The following SOX5 variants were observed in gnomAD, a reference collection of about 807,000 sequenced individuals.
SOX5 encodes transcription factor SOX-5.
SOX5 carries 9 observed loss-of-function variants against 92.0 expected under a neutral mutation model. That is an observed-to-expected ratio of 0.10 (90% CI 0.06 to 0.17). The LOEUF is 0.17. Among genes scored for constraint, SOX5 ranks in the 10% least tolerant of loss-of-function variants. The pLI is 1.00. For missense variants in SOX5, 642 were observed against 944.5 expected, an observed-to-expected ratio of 0.68 and a Z score of 4.20; for synonymous variants, 344 against 336.3, an observed-to-expected ratio of 1.02 and a Z score of -0.25.
At chr12:23,968,853 C>T (rs527389612) in intron 4 of SOX5, among the ~76,000 whole-genome samples, 10 of 152,272 alleles carry the variant, frequency 6.6e-5, no homozygotes, top group South Asian at 6.2e-4. Context: ...TTTGAATCTT[C>T]GAGATGCTTG....
upstream of SOX5, among the ~76,000 whole-genome samples, chr12:23,952,797 T>C (rs1341035907): frequency 6.6e-6 from 1 of 152,026 alleles, no homozygotes; most frequent in Non-Finnish European, 1.5e-5. Flanking sequence ...TAGAAAGGGG[T>C]AGGTATGTAT....
rs58110498 is a variant in SOX5 at position 24,375,606 on chromosome 12, G to A, written c.-250-6967C>T. On this transcript the variant is annotated intron_variant, in intron 1 of 4. Transcript: ENST00000446891. ...AAAAAATTAGCTGGGCATGGTGGTG[G>A]GCACCTGTAACCTCAGCTACTTGGC... Among the ~76,000 whole-genome samples the A allele has an allele frequency of 1.2e-3, 188 of 151,814 alleles. 3 individuals are homozygous for A. Among genetic ancestry groups the A allele is most frequent in the African/African-American group, 4.3e-3 (179 of 41,446 alleles).
intron 3 of SOX5, among the ~76,000 whole-genome samples, chr12:24,252,141 G>T (rs1448233378): frequency 6.6e-6 from 1 of 152,118 alleles, no homozygotes; most frequent in Non-Finnish European, 1.5e-5. Flanking sequence ...TTACACAAAT[G>T]AGCACATTCC....
rs1404204580 is a variant in SOX5 at position 23,837,267 on chromosome 12, TATA to T, written c.481+8713_481+8715del. Among the ~76,000 whole-genome samples the T allele has an allele frequency of 7.2e-5, 5 of 69,546 alleles. No individual in the cohort carries two copies. In the East Asian group the frequency reaches 4.2e-3, roughly 59 times the overall value. The allele number at this position is 69,546 out of a possible 152,430, so 45.6% of individuals were successfully genotyped here. On this transcript the variant is annotated intron_variant, in intron 3 of 14. Transcript: ENST00000451604. ...AATATATATTTATATTTATATAATA[TATA>T]ATATGTATTTATATTTATATTTATA... is the stretch of plus-strand genomic sequence containing the variant.
At chr12:24,243,292 A>G (rs563897430) in intron 3 of SOX5, among the ~76,000 whole-genome samples, 6 of 152,160 alleles carry the variant, frequency 3.9e-5, no homozygotes, top group Non-Finnish European at 8.8e-5. Context: ...CTCTATTTCC[A>G]GTTTATAATC....
intron 2 of SOX5, among the ~76,000 whole-genome samples, chr12:23,847,074 T>C (rs1021220260): frequency 6.6e-6 from 1 of 152,144 alleles, no homozygotes; most frequent in African/African-American, 2.4e-5. Flanking sequence ...ATATTTTGTA[T>C]AAAACATATT....
intron 4 of SOX5, among the ~76,000 whole-genome samples, chr12:24,050,497 A>G (rs1957463385): frequency 6.6e-6 from 1 of 152,216 alleles, no homozygotes; most frequent in Non-Finnish European, 1.5e-5. Flanking sequence ...TACTTAGAGT[A>G]ATAACAAAAC....
At chr12:24,092,111 T>C (rs1944727803) in intron 4 of SOX5, among the ~76,000 whole-genome samples, 1 of 152,196 alleles carries the variant, frequency 6.6e-6, no homozygotes, top group Admixed American at 6.5e-5. Context: ...CAGTAAACAT[T>C]TGAAGCCCAT....
At chr12:24,011,560 T>C (rs1472942861) in intron 4 of SOX5, among the ~76,000 whole-genome samples, 1 of 152,186 alleles carries the variant, frequency 6.6e-6, no homozygotes, top group Non-Finnish European at 1.5e-5. Context: ...TAGGAAGAGA[T>C]ATTAGCAGTT....
chr12:24,093,910 G>A (rs1292343814), intron 4 of SOX5, among the ~76,000 whole-genome samples: 1 of 151,972 alleles, frequency 6.6e-6, no homozygotes, highest in African/African-American at 2.4e-5. Context: ...ATTCATTTTA[G>A]GCAATCTGAT....
chr12:24,373,520 G>A (rs1399216911), intron 1 of SOX5, among the ~76,000 whole-genome samples: 6 of 152,072 alleles, frequency 3.9e-5, no homozygotes, highest in Admixed American at 3.3e-4. Context: ...GGTTGAAGCT[G>A]TATTTTTATC....
rs542777747 is a variant in SOX5, at chr12:24,188,185, C to T, written c.-2+25158G>A. On this transcript the variant is annotated intron_variant, in intron 4 of 4. Coordinates refer to the SOX5 transcript ENST00000446891. ...TGAATGCTTCATTTCTTCCTGTGCA[C>T]TTCCTAAGCTAAAATTTAAATGAAC... is the stretch of plus-strand genomic sequence containing the variant. Among the ~76,000 whole-genome samples, 4 of 152,212 alleles carry T rather than the reference C, an allele frequency of 2.6e-5. No individual in the cohort carries two copies. The East Asian group carries it at 7.7e-4, about 29-fold the overall frequency.
intron 1 of SOX5, among the ~76,000 whole-genome samples, chr12:23,932,447 T>C (rs373225810): frequency 6.6e-6 from 1 of 151,664 alleles, no homozygotes; most frequent in Non-Finnish European, 1.5e-5. Flanking sequence ...ATGAACTGTA[T>C]GTCAAATGTT....
chr12:24,083,438 C>T (rs1471861326), intron 4 of SOX5, among the ~76,000 whole-genome samples: 1 of 152,096 alleles, frequency 6.6e-6, no homozygotes, highest in Non-Finnish European at 1.5e-5. Flanking sequence ...AGCCATGCTA[C>T]AGTACAATAC....
intron 1 of SOX5, among the ~76,000 whole-genome samples, chr12:24,484,130 C>A (rs563554407): frequency 6.6e-6 from 1 of 152,234 alleles, no homozygotes; most frequent in East Asian, 1.9e-4. Context: ...GGCTATTTAT[C>A]ATGTCTCTTA....
At chr12:23,851,700 T>C (rs905834629) in intron 2 of SOX5, among the ~76,000 whole-genome samples, 2 of 152,060 alleles carry the variant, frequency 1.3e-5, no homozygotes, top group African/African-American at 4.8e-5. Flanking sequence ...GTACTTTTGT[T>C]TGGGCTATTT....
intron 3 of SOX5, among the ~76,000 whole-genome samples, chr12:23,827,937 A>T (rs1594825677): frequency 6.6e-6 from 1 of 152,056 alleles, no homozygotes; most frequent in East Asian, 1.9e-4. Context: ...ATAACCTCAA[A>T]CTCTTCAACA....
At chr12:24,330,420 T>G (rs139074095) in intron 2 of SOX5, among the ~76,000 whole-genome samples, 28 of 152,348 alleles carry the variant, frequency 1.8e-4, no homozygotes, top group African/African-American at 6.5e-4. Flanking sequence ...TGAAGGCTGC[T>G]TTCTGAGACA....
chr12:24,475,399 T>C (rs1945255575), intron 1 of SOX5, among the ~76,000 whole-genome samples: 1 of 152,192 alleles, frequency 6.6e-6, no homozygotes, highest in Non-Finnish European at 1.5e-5. Context: ...GTACTGTTCA[T>C]CTTTGCATCC....
Sources: allele counts gnomAD v4.1 joint callset (sites outside exome capture counted in the v4.1 genomes callset), GRCh38; gene constraint gnomAD v4.1.1; transcripts MANE v1.5; gene names NCBI Gene and HGNC (gene_info 2026-07-23, HGNC 2026-07-21).